Variants in BCAS3 observed in about 807,000 individuals in gnomAD.
BCAS3 encodes BCAS3 microtubule associated cell migration factor.
In BCAS3, 53 loss-of-function variants were observed where a neutral mutation model predicts 116.1. That is an observed-to-expected ratio of 0.46 (90% CI 0.37 to 0.57). The LOEUF (loss-of-function observed/expected upper bound fraction) is 0.57, where lower values mean the gene tolerates loss of function less well. BCAS3 is among the 20% of genes least tolerant of loss of function. BCAS3 has a pLI of 0.00. For missense variants in BCAS3, 917 were observed against 1,165.4 expected, an observed-to-expected ratio of 0.79 and a Z score of 3.10; for synonymous variants, 391 against 408.2, an observed-to-expected ratio of 0.96 and a Z score of 0.51.
At position 61,356,336 on chromosome 17, in the gene BCAS3, T is replaced by C. The variant is rs1173183492; in HGVS notation, c.2426-11991T>C. ...CAGCCCAGCTACAAAATGATTCTTC[T>C]CTTCCTCCTTGGAGGGGGAGAAATC... On this transcript the variant is annotated intron_variant, in intron 22 of 23. Coordinates refer to ENST00000407086, the MANE Select transcript of BCAS3 (RefSeq NM_017679.5). This position sits in a 1 kb window ranked among gnomAD's most constrained non-coding sequence, Gnocchi z 5.4. 6.6e-6 allele frequency among the ~76,000 whole-genome samples: 1 copy of C among 152,074 alleles called. No individual in the cohort carries two copies. Among genetic ancestry groups the C allele is most frequent in the Non-Finnish European group, 1.5e-5 (1 of 68,006 alleles).
At chr17:61,146,946 GCTCTA>G (rs1219159710) in intron 22 of BCAS3, among the ~76,000 whole-genome samples, 1 of 152,010 alleles carries the variant, frequency 6.6e-6, no homozygotes, top group Non-Finnish European at 1.5e-5. Flanking sequence ...ACAGGGTCTT[GCTCTA>G]TTGCCCAGGC....
At position 61,339,675 on chromosome 17, in the gene BCAS3, A is replaced by G. The variant is rs2143215344; in HGVS notation, c.2426-28652A>G. On this transcript the variant is annotated intron_variant, in intron 22 of 23. Transcript: ENST00000407086. This position sits in a 1 kb window ranked among gnomAD's most constrained non-coding sequence, Gnocchi z 4.4. ...CAGCTACTCGGGAGGCTGAGGCAGGAGAATCGCTCGAACCTAGGAGGTGGC... is the reference window on the plus strand; with the variant it reads ...CAGCTACTCGGGAGGCTGAGGCAGGGGAATCGCTCGAACCTAGGAGGTGGC... Among the ~76,000 whole-genome samples the G allele has an allele frequency of 6.6e-6, 1 of 152,068 alleles. No individual in the cohort carries two copies. Among genetic ancestry groups the G allele is most frequent in the South Asian group, 2.1e-4 (1 of 4,812 alleles).
chr17:61,391,664 G>C lies in BCAS3; in HGVS notation c.2594-313G>C, dbSNP rs1040382276. 1.9e-5 allele frequency: 6 copies of C among 307,762 alleles called. No homozygotes were observed. The highest frequency in any genetic ancestry group is 3.6e-5 in the Non-Finnish European group (6 of 166,154). The allele number at this position is 307,762 out of a possible 1,614,324, so 19.1% of individuals were successfully genotyped here. Reference sequence around the variant, plus strand: ...CATGAGTGTGTGCAGGCGTGGGTACGGGCTCATGAAGAGCTGTGTAGTCCA... The same window carrying C: ...CATGAGTGTGTGCAGGCGTGGGTACCGGCTCATGAAGAGCTGTGTAGTCCA... On this transcript the variant is annotated intron_variant, in intron 23 of 23. Coordinates refer to ENST00000407086, the MANE Select transcript of BCAS3 (RefSeq NM_017679.5). This position sits in a 1 kb window ranked among gnomAD's most constrained non-coding sequence, Gnocchi z 7.7.
intron 13 of BCAS3, among the ~76,000 whole-genome samples, chr17:60,928,009 T>C (rs2059452618): frequency 6.6e-6 from 1 of 152,228 alleles, no homozygotes; most frequent in South Asian, 2.1e-4. Flanking sequence ...TAGAACCCTT[T>C]ATCAAAAAGG....
At chr17:60,968,124 C>T (rs1017132567) in intron 14 of BCAS3, among the ~76,000 whole-genome samples, 4 of 151,972 alleles carry the variant, frequency 2.6e-5, no homozygotes, top group East Asian at 1.9e-4. Context: ...TTGTTTTTTT[C>T]GTGTGTATAT....
chr17:60,702,143 G>A (rs2036505229), intron 4 of BCAS3, among the ~76,000 whole-genome samples: 1 of 152,160 alleles, frequency 6.6e-6, no homozygotes, highest in South Asian at 2.1e-4. Flanking sequence ...TAAACGTATA[G>A]ATGTAGTTGA....
chr17:61,323,833 C>T lies in BCAS3; in HGVS notation c.2426-44494C>T, dbSNP rs145284228. ...ATCCAGCAGAAGCAGGCAGCCCTGG[C>T]TTATCCATGGCCCCCTGGCCCCTGT... On this transcript the variant is annotated intron_variant, in intron 22 of 23. Transcript: ENST00000407086. The surrounding 1 kb of genome is among the most constrained non-coding windows in gnomAD (Gnocchi z 4.6). 3.3e-3 allele frequency among the ~76,000 whole-genome samples: 498 copies of T among 152,376 alleles called. 12 individuals are homozygous for T. The highest frequency in any genetic ancestry group is 0.027 in the Admixed American group (410 of 15,306).
intron 19 of BCAS3, 119 bp from the exon 20 acceptor site, chr17:61,074,801 G>T: frequency 4.1e-6 from 2 of 491,254 alleles, no homozygotes; most frequent in Non-Finnish European, 6.9e-6. Flanking sequence ...TTGCCTTTTT[G>T]CTTTAAAGTA....
In BCAS3 at chr17:61,083,511, C is replaced by G. The variant is rs1256391028; in HGVS notation, c.2328-956C>G. On this transcript the variant is annotated intron_variant, in intron 21 of 23. Transcript: ENST00000407086. The surrounding 1 kb of genome is among the most constrained non-coding windows in gnomAD (Gnocchi z 4.9). The stretch of plus-strand genomic sequence containing the variant: ...GCCTGGGACTTTCAGATCTTTTAAT[C>G]TTCCAGATACTTTTATGTTAATAGT... 6.6e-6 allele frequency among the ~76,000 whole-genome samples: 1 copy of G among 151,882 alleles called. No individual in the cohort carries two copies. The highest frequency in any genetic ancestry group is 1.5e-5 in the Non-Finnish European group (1 of 67,982).
intron 6 of BCAS3, among the ~76,000 whole-genome samples, chr17:60,784,269 G>A (rs1016007453): frequency 2.7e-5 from 4 of 149,410 alleles, no homozygotes; most frequent in Non-Finnish European, 5.9e-5. Flanking sequence ...TGATGATGGC[G>A]TGTGTTCTTT....
intron 22 of BCAS3, among the ~76,000 whole-genome samples, chr17:61,202,893 T>C (rs2080923164): frequency 6.6e-6 from 1 of 152,210 alleles, no homozygotes; most frequent in African/African-American, 2.4e-5. Context: ...ATTCCCCTTA[T>C]GTATTTGCCC....
In BCAS3 at chr17:61,208,107, T is replaced by G. The variant is rs1057127224; in HGVS notation, c.2425+123543T>G. On this transcript the variant is annotated intron_variant, in intron 22 of 23. Coordinates refer to ENST00000407086, the MANE Select transcript of BCAS3 (RefSeq NM_017679.5). The surrounding 1 kb of genome is among the most constrained non-coding windows in gnomAD (Gnocchi z 4.5). ...ATTTAATATTTTAGAAAGTGGCTTA[T>G]AAAAAATTTATTGATTTCTACTTAG... Among the ~76,000 whole-genome samples, 1 of 152,206 alleles carries G rather than the reference T, an allele frequency of 6.6e-6. No individual in the cohort carries two copies. The highest frequency in any genetic ancestry group is 1.5e-5 in the Non-Finnish European group (1 of 68,030).
At chr17:60,800,562 G>A (rs563351328) in intron 6 of BCAS3, among the ~76,000 whole-genome samples, 58 of 152,064 alleles carry the variant, frequency 3.8e-4, no homozygotes, top group African/African-American at 1.4e-3. Flanking sequence ...CTTCTATCAT[G>A]GTCTTTGATA....
intron 22 of BCAS3, among the ~76,000 whole-genome samples, chr17:61,230,058 G>A (rs773822631): frequency 5.9e-5 from 9 of 152,206 alleles, no homozygotes; most frequent in Admixed American, 1.3e-4. Context: ...CCAGGAGGCC[G>A]AGGTTGCAGT....
At position 61,391,403 on chromosome 17, in the gene BCAS3, G is replaced by C. The variant is rs1359173423; in HGVS notation, c.2594-574G>C. ...CCCAGGGAAACAGGACACTTGGCAGGAGGTGCCAAAGATGAGCCAAGACCT... is the reference window on the plus strand; with the variant it reads ...CCCAGGGAAACAGGACACTTGGCAGCAGGTGCCAAAGATGAGCCAAGACCT... On this transcript the variant is annotated intron_variant, in intron 23 of 23. Transcript: ENST00000407086. The surrounding 1 kb of genome is among the most constrained non-coding windows in gnomAD (Gnocchi z 7.7). 6.5e-6 allele frequency: 1 copy of C among 152,692 alleles called. No homozygotes were observed. The highest frequency in any genetic ancestry group is 1.5e-5 in the Non-Finnish European group (1 of 68,438). The allele number at this position is 152,692 out of a possible 1,614,324, so 9.5% of individuals were successfully genotyped here.
chr17:60,865,386 A>G (rs2054505403), intron 7 of BCAS3, among the ~76,000 whole-genome samples: 2 of 152,182 alleles, frequency 1.3e-5, no homozygotes, highest in African/African-American at 2.4e-5. Context: ...GAGACTTGCC[A>G]TCTTAAGAAA....
At chr17:60,845,233 A>C (rs1323126403) in intron 7 of BCAS3, among the ~76,000 whole-genome samples, 2 of 152,364 alleles carry the variant, frequency 1.3e-5, no homozygotes, top group South Asian at 4.1e-4. Flanking sequence ...CCGTCTCTAA[A>C]TAAATAAATA....
At position 61,355,934 on chromosome 17, in the gene BCAS3, T is replaced by C. The variant is rs896937846; in HGVS notation, c.2426-12393T>C. Among the ~76,000 whole-genome samples, 5 of 152,230 alleles carry C rather than the reference T, an allele frequency of 3.3e-5. No individual in the cohort carries two copies. Among genetic ancestry groups the C allele is most frequent in the African/African-American group, 1.2e-4 (5 of 41,462 alleles). ...CCATAGGAATCCTATCACAGCTCTA[T>C]GTGTATGTTTTCTATCCACCTGAAG... On this transcript the variant is annotated intron_variant, in intron 22 of 23. Coordinates refer to ENST00000407086, the MANE Select transcript of BCAS3 (RefSeq NM_017679.5). This position sits in a 1 kb window ranked among gnomAD's most constrained non-coding sequence, Gnocchi z 4.2.
chr17:60,973,645 G>A (rs1020023926), intron 14 of BCAS3, among the ~76,000 whole-genome samples: 3 of 149,702 alleles, frequency 2.0e-5, no homozygotes, highest in Non-Finnish European at 4.4e-5. Flanking sequence ...CAGGCTGGAG[G>A]TCAGTGGTGT....
Sources: allele counts gnomAD v4.1 joint callset (sites outside exome capture counted in the v4.1 genomes callset), GRCh38; gene constraint gnomAD v4.1.1; non-coding constraint Gnocchi (gnomAD v3.1); transcripts MANE v1.5; gene names NCBI Gene and HGNC (gene_info 2026-07-23, HGNC 2026-07-21).